The following NEBL variants were observed in gnomAD, a reference collection of about 807,000 sequenced individuals.
The protein encoded by NEBL is nebulette, also known as LIM and SH3 protein 2.
NEBL carries 122 observed loss-of-function variants against 140.2 expected under a neutral mutation model. The ratio of observed to expected loss-of-function variants is 0.87; its 90% CI spans 0.75 to 1.01. NEBL has a LOEUF of 1.01. Among genes scored for constraint, NEBL ranks in the 50% least tolerant of loss-of-function variants. The pLI is 0.00. For missense variants in NEBL, 1,365 were observed against 1,231.3 expected (o/e 1.11, Z -1.62); for synonymous variants, 436 against 398.9 (o/e 1.09, Z -1.11).
rs574512825 is a variant in NEBL at position 21,168,028 on chromosome 10, C to T, written c.164+4355G>A. Among the ~76,000 whole-genome samples the T allele has an allele frequency of 9.5e-4, 144 of 152,292 alleles. 1 individual carries two copies. The highest frequency in any genetic ancestry group is 1.6e-3 in the Non-Finnish European group (112 of 68,020). ...AAAATGGGTATTACGCCCAATCTTA[C>T]ATCTAGTGTGTACTATACTTTGATC... is the stretch of plus-strand genomic sequence containing the variant. On this transcript the variant is annotated intron_variant, in intron 2 of 6. Coordinates refer to the NEBL transcript ENST00000417816.
At chr10:21,230,756 C>T (rs918160216) in intron 3 of NEBL, among the ~76,000 whole-genome samples, 61 of 152,152 alleles carry the variant, frequency 4.0e-4, no homozygotes, top group Admixed American at 7.2e-4. Context: ...AGGCACCCAC[C>T]GCCAAGCCCA....
chr10:21,065,211 G>A (rs750709748), intron 2 of NEBL, among the ~76,000 whole-genome samples: 1 of 152,192 alleles, frequency 6.6e-6, no homozygotes, highest in Non-Finnish European at 1.5e-5. Flanking sequence ...ATATGCCTTA[G>A]TTACAAGGAA....
At chr10:21,288,245 G>T (rs908647221) in intron 1 of NEBL, among the ~76,000 whole-genome samples, 2 of 152,104 alleles carry the variant, frequency 1.3e-5, no homozygotes, top group African/African-American at 4.8e-5. Context: ...CAAGGCGGGC[G>T]GATCACTAGG....
chr10:21,246,434 AT>A (rs1842517524), intron 3 of NEBL, among the ~76,000 whole-genome samples: 1 of 152,206 alleles, frequency 6.6e-6, no homozygotes, highest in South Asian at 2.1e-4. Context: ...TTCTATTCAT[AT>A]TTGCCAAAAA....
chr10:20,957,965 A>G (rs1431321612), intron 4 of NEBL, among the ~76,000 whole-genome samples: 1 of 152,202 alleles, frequency 6.6e-6, no homozygotes, highest in African/African-American at 2.4e-5. Context: ...TAGTGGGTAA[A>G]CAGCCAGAAT....
chr10:20,813,255 A>T (rs886234113), intron 23 of NEBL, among the ~76,000 whole-genome samples: 16 of 151,636 alleles, frequency 1.1e-4, no homozygotes, highest in African/African-American at 3.9e-4. Context: ...CCTAAAATAT[A>T]CTAATTTAAA....
At chr10:20,999,487 T>C (rs1837801824) in intron 3 of NEBL, among the ~76,000 whole-genome samples, 1 of 152,126 alleles carries the variant, frequency 6.6e-6, no homozygotes, top group African/African-American at 2.4e-5. Context: ...TAGTCCCAGC[T>C]ACTCAGGAGG....
chr10:21,038,291 C>T (rs1231778029), intron 2 of NEBL, among the ~76,000 whole-genome samples: 1 of 152,078 alleles, frequency 6.6e-6, no homozygotes, highest in African/African-American at 2.4e-5. Flanking sequence ...TTTGCTGCAC[C>T]TATCAACCCG....
At chr10:20,873,898 AT>A (rs890064200) in intron 5 of NEBL, among the ~76,000 whole-genome samples, 1 of 152,184 alleles carries the variant, frequency 6.6e-6, no homozygotes, top group African/African-American at 2.4e-5. Context: ...TTCTTCGAAT[AT>A]TTTATTATAA....
chr10:20,913,579 G>A (rs1364708278), intron 4 of NEBL, among the ~76,000 whole-genome samples: 1 of 152,082 alleles, frequency 6.6e-6, no homozygotes, highest in Non-Finnish European at 1.5e-5. Context: ...ACTGGAAATA[G>A]CAAAAAAGTA....
intron 2 of NEBL, among the ~76,000 whole-genome samples, chr10:21,055,521 T>C (rs1834978563): frequency 6.6e-6 from 1 of 152,114 alleles, no homozygotes; most frequent in African/African-American, 2.4e-5. Flanking sequence ...TTTGCTACTT[T>C]AAGGTTACCA....
chr10:20,859,547 T>C (rs948219217), intron 8 of NEBL, among the ~76,000 whole-genome samples, 166 bp downstream of exon 8: 1 of 152,024 alleles, frequency 6.6e-6, no homozygotes, highest in African/African-American at 2.4e-5. Flanking sequence ...CCATTAAAAA[T>C]TAATTACAAT....
exon 1 of NEBL, chr10:21,174,036 G>C (rs939510999): frequency 6.2e-6 from 7 of 1,136,066 alleles, no homozygotes; most frequent in Non-Finnish European, 7.5e-6. Flanking sequence ...CCGCGCTCTC[G>C]GGCTCGCAGG....
At chr10:20,997,854 T>G (rs2131704228) in intron 3 of NEBL, among the ~76,000 whole-genome samples, 1 of 152,244 alleles carries the variant, frequency 6.6e-6, no homozygotes, top group African/African-American at 2.4e-5. Flanking sequence ...TCAATACCAG[T>G]TAAGATGGGT....
At chr10:21,167,512 A>G (rs1014059431) in intron 2 of NEBL, among the ~76,000 whole-genome samples, 7 of 152,186 alleles carry the variant, frequency 4.6e-5, no homozygotes, top group Non-Finnish European at 7.4e-5. Flanking sequence ...CCCAGACCTA[A>G]TATAACTTGA....
intron 3 of NEBL, among the ~76,000 whole-genome samples, chr10:21,218,914 T>G (rs985545720): frequency 1.3e-5 from 2 of 152,236 alleles, no homozygotes; most frequent in Non-Finnish European, 2.9e-5. Context: ...ACCCTCCAAC[T>G]TCCTGGTACA....
At chr10:21,048,835 A>C (rs1834637017) in intron 2 of NEBL, among the ~76,000 whole-genome samples, 1 of 152,080 alleles carries the variant, frequency 6.6e-6, no homozygotes, top group African/African-American at 2.4e-5. Context: ...GTCTCTACTA[A>C]AAATACAAAA....
rs369533383 is a variant in NEBL at position 21,047,076 on chromosome 10, C to T, written c.165-26875G>A. Reference sequence around the variant, plus strand: ...GAATAAAATGTGATGAATGTTACTGCCATGCAGACTTTCCAGATGTACTGA... The same window carrying T: ...GAATAAAATGTGATGAATGTTACTGTCATGCAGACTTTCCAGATGTACTGA... On this transcript the variant is annotated intron_variant, in intron 2 of 6. Transcript: ENST00000417816. Among the ~76,000 whole-genome samples the T allele has an allele frequency of 2.0e-5, 3 of 152,246 alleles. No homozygotes were observed. The South Asian group carries it at 6.2e-4, about 32-fold the overall frequency.
intron 2 of NEBL, among the ~76,000 whole-genome samples, chr10:21,106,662 T>G (rs1837731793): frequency 6.6e-6 from 1 of 152,188 alleles, no homozygotes; most frequent in Non-Finnish European, 1.5e-5. Context: ...TTATCTTGGC[T>G]ATGTGGGCTC....
Sources: gnomAD v4.1 joint callset for allele counts (sites outside exome capture counted in the v4.1 genomes callset) on GRCh38, gnomAD v4.1.1 for gene constraint, MANE v1.5 for transcripts, NCBI Gene and HGNC (gene_info 2026-07-23, HGNC 2026-07-21) for gene names.